SGMS1: variants seen among roughly 807,000 people sequenced by gnomAD.
SGMS1 encodes sphingomyelin synthase 1, also known as phosphatidylcholine:ceramide cholinephosphotransferase 1.
Under a neutral mutation model 46.2 loss-of-function variants are expected in SGMS1, and 13 were observed. The ratio of observed to expected loss-of-function variants is 0.28; its 90% CI spans 0.18 to 0.45. The LOEUF (loss-of-function observed/expected upper bound fraction) is 0.45, where lower values mean the gene tolerates loss of function less well. Ranked by LOEUF, SGMS1 falls within the 20% of genes least tolerant of loss-of-function variation. The probability of loss-of-function intolerance (pLI) is 1.00; values close to 1 mark genes in which losing one functional copy is unlikely to be tolerated. For missense variants in SGMS1, 324 were observed against 519.9 expected (o/e 0.62, Z 3.66); for synonymous variants, 203 against 187.8 (o/e 1.08, Z -0.66).
intron 6 of SGMS1, among the ~76,000 whole-genome samples, chr10:50,404,412 G>A (rs754660271): frequency 7.2e-5 from 11 of 151,778 alleles, no homozygotes; most frequent in Non-Finnish European, 1.6e-4. Flanking sequence ...TATGTGACCA[G>A]CTTGAGAAAC....
At chr10:50,325,549 C>T (rs1344665884) in intron 8 of SGMS1, among the ~76,000 whole-genome samples, 2 of 152,182 alleles carry the variant, frequency 1.3e-5, no homozygotes, top group South Asian at 2.1e-4. Flanking sequence ...AGAAAACCCA[C>T]AAGCTATTCT....
At chr10:50,606,398 G>A (rs1365751454) in intron 1 of SGMS1, among the ~76,000 whole-genome samples, 1 of 152,046 alleles carries the variant, frequency 6.6e-6, no homozygotes, top group Non-Finnish European at 1.5e-5. Context: ...TGGTGGAGAT[G>A]GTTGCACAAC....
At chr10:50,510,067 A>G (rs1364714213) in intron 3 of SGMS1, among the ~76,000 whole-genome samples, 2 of 152,102 alleles carry the variant, frequency 1.3e-5, no homozygotes, top group African/African-American at 4.8e-5. Flanking sequence ...CTTCTCCCCC[A>G]TCACATGCTC....
chr10:50,408,831 T>C (rs1307810629), intron 6 of SGMS1, among the ~76,000 whole-genome samples: 1 of 152,112 alleles, frequency 6.6e-6, no homozygotes, highest in Non-Finnish European at 1.5e-5. Context: ...GCCATGATTG[T>C]ACCATCGCAC....
At chr10:50,359,617 C>T (rs1303998551) in intron 6 of SGMS1, among the ~76,000 whole-genome samples, 1 of 151,116 alleles carries the variant, frequency 6.6e-6, no homozygotes, top group African/African-American at 2.4e-5. Flanking sequence ...CCAATTGAGT[C>T]ATTTTGTGAC....
At position 50,495,868 on chromosome 10, in the gene SGMS1, C is replaced by G. The variant is rs563689893; in HGVS notation, c.-498+23963G>C. Reference sequence around the variant, plus strand: ...TGGAAAAATACATAAGAAAATTTGGCCTATCTCTGGGGAAGGCAAGGGAGA... The same window carrying G: ...TGGAAAAATACATAAGAAAATTTGGGCTATCTCTGGGGAAGGCAAGGGAGA... On this transcript the variant is annotated intron_variant, in intron 3 of 10. Transcript: ENST00000361781. Among the ~76,000 whole-genome samples, 14 of 152,010 alleles carry G rather than the reference C, an allele frequency of 9.2e-5. No individual in the cohort carries two copies. The South Asian group carries it at 2.9e-3, about 32-fold the overall frequency.
intron 4 of SGMS1, among the ~76,000 whole-genome samples, chr10:50,464,698 T>A (rs1441482628): frequency 6.6e-6 from 1 of 152,218 alleles, no homozygotes; most frequent in Non-Finnish European, 1.5e-5. Flanking sequence ...CCTCCCAAAG[T>A]GCTGTGTTTA....
At chr10:50,547,907 C>T (rs541208613) in intron 2 of SGMS1, among the ~76,000 whole-genome samples, 185 of 152,170 alleles carry the variant, frequency 1.2e-3, no homozygotes, top group African/African-American at 4.0e-3. Context: ...TCAATAAATG[C>T]AATTCATCAC....
At position 50,623,729 on chromosome 10, in the gene SGMS1, G is replaced by C. The variant is rs1838880731; in HGVS notation, c.-706C>G. ...CACTTGCACTGGAGTCACGGCAGCC[G>C]CCGGAATTCCGCTCGCGGAGCCCCC... On this transcript the variant is annotated 5_prime_UTR_variant, in exon 1 of 11. Coordinates refer to ENST00000361781, the MANE Select transcript of SGMS1 (RefSeq NM_147156.4). The C allele has an allele frequency of 1.0e-6, 1 of 985,274 alleles. No homozygotes were observed. Among genetic ancestry groups the C allele is most frequent in the African/African-American group, 1.7e-5 (1 of 57,230 alleles). The allele number at this position is 985,274 out of a possible 1,614,324, so 61.0% of individuals were successfully genotyped here.
intron 6 of SGMS1, among the ~76,000 whole-genome samples, chr10:50,412,441 C>T (rs946076381): frequency 1.3e-5 from 2 of 152,160 alleles, no homozygotes. Context: ...TCTTCCCATC[C>T]AACCCCTATC....
intron 6 of SGMS1, among the ~76,000 whole-genome samples, chr10:50,354,003 T>A (rs1357337596): frequency 2.0e-5 from 3 of 152,032 alleles, no homozygotes; most frequent in Admixed American, 6.5e-5. Context: ...ATCGTGAAAA[T>A]GGCCATACTG....
chr10:50,459,719 T>A (rs1837240914), intron 5 of SGMS1, among the ~76,000 whole-genome samples: 1 of 152,206 alleles, frequency 6.6e-6, no homozygotes, highest in Non-Finnish European at 1.5e-5. Flanking sequence ...AGAATATTTT[T>A]AAAACTCTGC....
intron 1 of SGMS1, among the ~76,000 whole-genome samples, chr10:50,604,064 T>C (rs1838672416): frequency 1.3e-5 from 2 of 152,176 alleles, no homozygotes; most frequent in Admixed American, 1.3e-4. Flanking sequence ...CTAGAGTTTA[T>C]TCCTAAAATA....
At chr10:50,350,044 A>T (rs950924658) in intron 6 of SGMS1, among the ~76,000 whole-genome samples, 6 of 152,226 alleles carry the variant, frequency 3.9e-5, no homozygotes, top group African/African-American at 1.4e-4. Context: ...CTTCCTAGAG[A>T]CTTGTTGAAT....
chr10:50,483,471 TAGAC>T (rs1233988600), intron 3 of SGMS1, among the ~76,000 whole-genome samples: 5 of 152,228 alleles, frequency 3.3e-5, no homozygotes, highest in Non-Finnish European at 5.9e-5. Context: ...CTGTCAATAT[TAGAC>T]AGATCACTGA....
intron 2 of SGMS1, among the ~76,000 whole-genome samples, chr10:50,531,403 T>C (rs1837952262): frequency 6.6e-6 from 1 of 152,172 alleles, no homozygotes. Flanking sequence ...TCCCTTACCT[T>C]TATTCATCCT....
At chr10:50,498,183 G>T (rs1255763037) in intron 3 of SGMS1, among the ~76,000 whole-genome samples, 1 of 152,170 alleles carries the variant, frequency 6.6e-6, no homozygotes, top group African/African-American at 2.4e-5. Flanking sequence ...ATGCTGTTTG[G>T]GGGAGGGGAT....
intron 6 of SGMS1, among the ~76,000 whole-genome samples, chr10:50,386,502 G>T (rs1429273716): frequency 1.3e-5 from 2 of 152,148 alleles, no homozygotes; most frequent in African/African-American, 4.8e-5. Context: ...AAGTTAAACA[G>T]CTTCCTATGT....
intron 5 of SGMS1, among the ~76,000 whole-genome samples, chr10:50,445,783 G>A (rs1376525722): frequency 6.6e-6 from 1 of 152,200 alleles, no homozygotes; most frequent in Non-Finnish European, 1.5e-5. Context: ...CAGGGAACAA[G>A]GGAGATAACC....
Sources: gnomAD v4.1 joint callset for allele counts (sites outside exome capture counted in the v4.1 genomes callset) on GRCh38, gnomAD v4.1.1 for gene constraint, MANE v1.5 for transcripts, NCBI Gene and HGNC (gene_info 2026-07-23, HGNC 2026-07-21) for gene names.